Variants in TAFA1 observed in about 807,000 individuals in gnomAD.
TAFA1 encodes the protein TAFA chemokine like family member 1, also known as chemokine-like protein TAFA-1.
A neutral mutation model predicts 18.5 loss-of-function variants in TAFA1; 4 were observed. That is an observed-to-expected ratio of 0.22 (90% confidence interval 0.11 to 0.49). The LOEUF is 0.49. TAFA1 is among the 20% of genes least tolerant of loss of function. The pLI is 0.98. For synonymous variants in TAFA1, 56 were observed against 55.2 expected (o/e 1.01, Z -0.06); for missense variants, 147 against 169.0 (o/e 0.87, Z 0.72).
intron 2 of TAFA1, among the ~76,000 whole-genome samples, chr3:68,058,508 A>G (rs963482657): frequency 2.0e-5 from 3 of 152,166 alleles, no homozygotes; most frequent in African/African-American, 7.2e-5. Flanking sequence ...CCAGATAGAC[A>G]CATAGAGTCC....
At position 68,113,332 on chromosome 3, in the gene TAFA1, A is replaced by G. The variant is rs546908162; in HGVS notation, c.118+106588A>G. Among the ~76,000 whole-genome samples, 183 of 152,354 alleles carry G rather than the reference A, an allele frequency of 1.2e-3. No individual in the cohort carries two copies. In the Middle Eastern group the frequency reaches 0.02, roughly 17 times the overall value. The stretch of plus-strand genomic sequence containing the variant: ...AAGTAGGAAAGTGATGATCTTTTCC[A>G]TAAACGGTGCTGGGAAAATTGGAAA... On this transcript the variant is annotated intron_variant, in intron 2 of 4. Coordinates refer to ENST00000478136, the MANE Select transcript of TAFA1 (RefSeq NM_213609.4).
intron 3 of TAFA1, among the ~76,000 whole-genome samples, chr3:68,479,166 G>A (rs1306440041): frequency 2.7e-5 from 4 of 147,130 alleles, no homozygotes; most frequent in African/African-American, 1.0e-4. Flanking sequence ...AGGAGGTGGA[G>A]GTTGCAGTGA....
intron 2 of TAFA1, among the ~76,000 whole-genome samples, chr3:68,320,161 G>T (rs1395300863): frequency 6.6e-6 from 1 of 152,196 alleles, no homozygotes; most frequent in African/African-American, 2.4e-5. Context: ...TCGATTGAGA[G>T]ATGGTGTATG....
At chr3:68,408,001 A>G (rs767680384) in intron 2 of TAFA1, among the ~76,000 whole-genome samples, 4 of 152,184 alleles carry the variant, frequency 2.6e-5, no homozygotes, top group Non-Finnish European at 5.9e-5. Context: ...TTGGGTCAAT[A>G]AAGCATTTTT....
At chr3:67,995,121 A>G in the TAFA1 span, among the ~76,000 whole-genome samples, 2 of 152,368 alleles carry the variant, frequency 1.3e-5, no homozygotes, top group African/African-American at 2.4e-5. Context: ...TAAGCATTCA[A>G]TAAAGATGCC....
At chr3:68,107,879 T>C (rs1360712747) in intron 2 of TAFA1, among the ~76,000 whole-genome samples, 2 of 152,138 alleles carry the variant, frequency 1.3e-5, no homozygotes, top group South Asian at 4.1e-4. Flanking sequence ...TTTTTGTTGA[T>C]TTTACAGAGG....
intron 2 of TAFA1, among the ~76,000 whole-genome samples, chr3:68,241,835 A>T (rs1229153231): frequency 6.6e-6 from 1 of 152,194 alleles, no homozygotes; most frequent in Non-Finnish European, 1.5e-5. Flanking sequence ...AGTCCATTTC[A>T]CTTTGGAGCC....
chr3:68,055,300 G>T (rs1198466088), intron 2 of TAFA1, among the ~76,000 whole-genome samples: 1 of 152,108 alleles, frequency 6.6e-6, no homozygotes, highest in Non-Finnish European at 1.5e-5. Flanking sequence ...GTGTGTGTAT[G>T]TATGCGGGGG....
intron 2 of TAFA1, among the ~76,000 whole-genome samples, chr3:68,289,970 AG>A (rs2068079444): frequency 2.6e-5 from 4 of 152,348 alleles, no homozygotes; most frequent in African/African-American, 9.6e-5. Flanking sequence ...CTAGGCACCC[AG>A]GTGCCTTGAC....
At chr3:68,037,919 G>GCT (rs1203111279) in intron 2 of TAFA1, among the ~76,000 whole-genome samples, 3 of 151,960 alleles carry the variant, frequency 2.0e-5, no homozygotes, top group East Asian at 1.9e-4. Context: ...TTGTGTGCGT[G>GCT]CTCTCTCTCT....
intron 2 of TAFA1, among the ~76,000 whole-genome samples, chr3:68,351,929 A>G (rs1412795433): frequency 6.6e-6 from 1 of 151,416 alleles, no homozygotes; most frequent in Non-Finnish European, 1.5e-5. Flanking sequence ...CTTCAGCTCA[A>G]CAGTCCTATT....
intron 3 of TAFA1, among the ~76,000 whole-genome samples, chr3:68,524,560 C>G (rs2073076625): frequency 1.3e-5 from 2 of 152,088 alleles, no homozygotes. Flanking sequence ...ACCACTATTG[C>G]TAGAAAAGTA....
chr3:68,493,825 C>T (rs1234757378), intron 3 of TAFA1, among the ~76,000 whole-genome samples: 1 of 152,040 alleles, frequency 6.6e-6, no homozygotes, highest in Admixed American at 6.6e-5. Context: ...GTTTTCCTGC[C>T]CCATTCCCTG....
intron 2 of TAFA1, among the ~76,000 whole-genome samples, chr3:68,050,469 A>T (rs2064455449): frequency 6.6e-6 from 1 of 152,158 alleles, no homozygotes; most frequent in Admixed American, 6.6e-5. Context: ...GGGCACCACC[A>T]TCGTCTGCTA....
chr3:68,253,637 G>C lies in TAFA1; in HGVS notation c.119-163643G>C, dbSNP rs544963038. ...GGTGATGCATGGCAGGTGATGATTG[G>C]GTTATGTTTCAACTTTCTGGCAGGT... On this transcript the variant is annotated intron_variant, in intron 2 of 4. Transcript: ENST00000478136. Among the ~76,000 whole-genome samples, 20 of 152,202 alleles carry C rather than the reference G, an allele frequency of 1.3e-4. 1 individual carries two copies. Among genetic ancestry groups the C allele is most frequent in the African/African-American group, 4.3e-4 (18 of 41,530 alleles).
At chr3:68,033,256 T>C (rs1209948150) in intron 2 of TAFA1, among the ~76,000 whole-genome samples, 1 of 152,194 alleles carries the variant, frequency 6.6e-6, no homozygotes, top group Non-Finnish European at 1.5e-5. Flanking sequence ...CACTTCCTTT[T>C]CTGCCAACTT....
chr3:68,419,758 G>A (rs2070918602), intron 3 of TAFA1, among the ~76,000 whole-genome samples: 4 of 152,106 alleles, frequency 2.6e-5, no homozygotes, highest in Admixed American at 2.6e-4. Context: ...TTCATTGTGG[G>A]TCAGTAGGTG....
intron 2 of TAFA1, 62 bp downstream of exon 2, chr3:68,006,806 T>C: frequency 2.5e-6 from 3 of 1,178,990 alleles, no homozygotes; most frequent in Non-Finnish European, 3.8e-6. Context: ...CCTTAACAGA[T>C]GGTTGAATGC....
chr3:68,041,993 G>A (rs998217474), intron 2 of TAFA1, among the ~76,000 whole-genome samples: 3 of 152,046 alleles, frequency 2.0e-5, no homozygotes, highest in African/African-American at 7.2e-5. Flanking sequence ...TTATCATATT[G>A]TTCAACAATT....
Sources: gnomAD v4.1 joint callset for allele counts (sites outside exome capture counted in the v4.1 genomes callset) on GRCh38, gnomAD v4.1.1 for gene constraint, MANE v1.5 for transcripts, NCBI Gene and HGNC (gene_info 2026-07-23, HGNC 2026-07-21) for gene names.